The following ABCA4 variants were observed in gnomAD, a reference collection of about 807,000 sequenced individuals.
The protein encoded by ABCA4 is retinal-specific phospholipid-transporting ATPase ABCA4.
In ABCA4, 196 loss-of-function variants were observed where a neutral mutation model predicts 263.7. That is an observed-to-expected ratio of 0.74 (90% CI 0.66 to 0.84). The LOEUF is 0.84. Ranked by LOEUF, ABCA4 falls within the 40% of genes least tolerant of loss-of-function variation. ABCA4 has a pLI of 0.00. For synonymous variants in ABCA4, 1,133 were observed against 1,094.2 expected, an observed-to-expected ratio of 1.04 and a Z score of -0.70; for missense variants, 2,792 against 2,855.1, an observed-to-expected ratio of 0.98 and a Z score of 0.50.
intron 4 of ABCA4, among the ~76,000 whole-genome samples, chr1:94,106,714 C>G (rs1191236): frequency 0.8 from 121,326 of 152,168 alleles, 48,915 homozygotes; most frequent in East Asian, 1. Context: ...TCAGCATCTT[C>G]ATACACCAAT....
At chr1:94,027,000 AAGAG>A (rs369539832) in intron 30 of ABCA4, among the ~76,000 whole-genome samples, 168 of 151,746 alleles carry the variant, frequency 1.1e-3, no homozygotes, top group African/African-American at 3.8e-3. Context: ...AAGAGTGAGA[AAGAG>A]TGAGAGAGTG....
intron 24 of ABCA4, 80 bp from the exon 25 acceptor site, chr1:94,037,430 C>T: frequency 7.9e-7 from 1 of 1,260,086 alleles, no homozygotes; most frequent in Non-Finnish European, 1.1e-6. Flanking sequence ...TTTCCTACTT[C>T]TCTCCACTTC....
chr1:94,000,124 C>T (rs1659132531), intron 47 of ABCA4, among the ~76,000 whole-genome samples: 1 of 152,204 alleles, frequency 6.6e-6, no homozygotes, highest in African/African-American at 2.4e-5. Context: ...TTCCTCCCAC[C>T]AACCAGCTTA....
chr1:94,050,922 A>G (rs1660825022), intron 17 of ABCA4, among the ~76,000 whole-genome samples: 1 of 152,372 alleles, frequency 6.6e-6, no homozygotes, highest in Non-Finnish European at 1.5e-5. Flanking sequence ...AGAGTACTTC[A>G]GCTCTAGGGG....
At chr1:94,010,659 T>C (rs1220233459) in intron 40 of ABCA4, 141 bp downstream of exon 40, 3 of 1,219,838 alleles carry the variant, frequency 2.5e-6, no homozygotes, top group East Asian at 2.5e-5. Context: ...ACTTGTATTA[T>C]TGGAGAAAAG....
In ABCA4 at chr1:94,021,943, C is replaced by A. The variant is rs1659914654; in HGVS notation, c.4676G>T (p.Gly1559Val). Reference protein sequence around the residue: ...KFWVNEQRYGGISIGGKLPVV... With the variant: ...KFWVNEQRYGVISIGGKLPVV... Reference sequence around the variant, plus strand: ...TGGGAGCTTTCCTCCAATGGAAATTCCTCCATACCTGACAAGGAAACAGGA... The same window carrying A: ...TGGGAGCTTTCCTCCAATGGAAATTACTCCATACCTGACAAGGAAACAGGA... Residue 1559 changes from glycine (G) to valine (V), a missense_variant, in exon 33 of 50, where the codon GGA (glycine) becomes GTA (valine). Physicochemically the swap from Gly to Val is moderately radical, Grantham distance 109. Coordinates refer to ENST00000370225, the MANE Select transcript of ABCA4 (RefSeq NM_000350.3). 1 of 1,613,984 alleles carries A rather than the reference C, an allele frequency of 6.2e-7. No homozygotes were observed. Among genetic ancestry groups the A allele is most frequent in the Non-Finnish European group, 8.5e-7 (1 of 1,179,964 alleles).
Position 94,009,431 on chromosome 1 carries a change from C to T in ABCA4, c.5715-560G>A, listed in dbSNP as rs150804281. Among the ~76,000 whole-genome samples the T allele has an allele frequency of 3.3e-4, 50 of 152,266 alleles. 1 individual carries two copies. The East Asian group carries it at 9.3e-3, about 28-fold the overall frequency. ...GTTCCCCATCAGCTGTAGGTTGAAGCCCTCCCTCTGCAGCTGTAGTTACAG... is the reference window on the plus strand; with the variant it reads ...GTTCCCCATCAGCTGTAGGTTGAAGTCCTCCCTCTGCAGCTGTAGTTACAG... On this transcript the variant is annotated intron_variant, in intron 40 of 49. Coordinates refer to ENST00000370225, the MANE Select transcript of ABCA4 (RefSeq NM_000350.3).
In ABCA4 at chr1:94,081,264, C is replaced by T. The variant is rs1316240731; in HGVS notation, c.859-546G>A. ...AACAACAACAAATCACAGAGTGACC[C>T]CTAGAGCACTGTAGTATAGCCTCTC... On this transcript the variant is annotated intron_variant, in intron 7 of 49. Coordinates refer to ENST00000370225, the MANE Select transcript of ABCA4 (RefSeq NM_000350.3). 6.6e-6 allele frequency among the ~76,000 whole-genome samples: 1 copy of T among 152,036 alleles called. No homozygotes were observed. Among genetic ancestry groups the T allele is most frequent in the African/African-American group, 2.4e-5 (1 of 41,384 alleles).
intron 6 of ABCA4, among the ~76,000 whole-genome samples, chr1:94,094,021 C>T (rs1662048342): frequency 6.6e-6 from 1 of 152,334 alleles, no homozygotes; most frequent in South Asian, 2.1e-4. Flanking sequence ...GGAATCACTC[C>T]TTTCTCTTCT....
At chr1:94,085,077 T>C (rs1199629187) in intron 6 of ABCA4, among the ~76,000 whole-genome samples, 3 of 152,190 alleles carry the variant, frequency 2.0e-5, no homozygotes, top group East Asian at 3.8e-4. Flanking sequence ...AAAGTGGACA[T>C]GAAATGGGTA....
chr1:94,117,827 T>C (rs954944679), intron 1 of ABCA4, among the ~76,000 whole-genome samples: 1 of 152,156 alleles, frequency 6.6e-6, no homozygotes, highest in African/African-American at 2.4e-5. Flanking sequence ...CTGAACTCCA[T>C]GAAGGCAGTG....
rs748905369 is a variant in ABCA4, at chr1:94,001,964, C to T, written c.6176G>A (p.Gly2059Asp). The T allele has an allele frequency of 5.0e-6, 8 of 1,614,086 alleles. No homozygotes were observed. Among genetic ancestry groups the T allele is most frequent in the Non-Finnish European group, 6.8e-6 (8 of 1,180,044 alleles). The change falls in exon 45 of 50, where the codon GGC (glycine) becomes GAC (aspartate). Residue 2059 changes from glycine to aspartate, a missense_variant. Physicochemically the swap from Gly to Asp is moderately conservative, Grantham distance 94. Coordinates refer to ENST00000370225, the MANE Select transcript of ABCA4 (RefSeq NM_000350.3). ...KVANWSIKSL[G>D]LTVYADCLAG... ...CAGGCAGTCGGCGTAGACAGTCAGGCCCAGGCTCTTAATACTCCAGTTTGC... is the reference window on the plus strand; with the variant it reads ...CAGGCAGTCGGCGTAGACAGTCAGGTCCAGGCTCTTAATACTCCAGTTTGC...
At chr1:94,069,665 C>T (rs1196272468) in intron 11 of ABCA4, among the ~76,000 whole-genome samples, 2 of 152,188 alleles carry the variant, frequency 1.3e-5, no homozygotes, top group Admixed American at 6.5e-5. Flanking sequence ...CTAATCTAAA[C>T]AGTAACATTC....
chr1:94,034,566 T>C (rs1660294032), intron 26 of ABCA4, among the ~76,000 whole-genome samples: 1 of 151,470 alleles, frequency 6.6e-6, no homozygotes, highest in African/African-American at 2.4e-5. Context: ...GATCAGAAAA[T>C]GTCATCCTCT....
At chr1:94,011,028 A>G in intron 39 of ABCA4, 99 bp from the exon 40 acceptor site, 2 of 1,603,148 alleles carry the variant, frequency 1.2e-6, no homozygotes, top group Non-Finnish European at 1.7e-6. Flanking sequence ...TTATGTGGGA[A>G]CTGAGCAAGA....
chr1:94,107,503 G>A (rs1662471559), intron 4 of ABCA4, among the ~76,000 whole-genome samples: 1 of 152,216 alleles, frequency 6.6e-6, no homozygotes, highest in African/African-American at 2.4e-5. Flanking sequence ...ACTTTGTAAA[G>A]GCACATTGGT....
In ABCA4 at chr1:94,055,097, A is replaced by G; in HGVS notation, c.2587+14T>C. ...GAACTCAATTACCTTTACCCTATAG[A>G]GGAGGATGCTTACCTGGAAACACCT... On this transcript the variant is annotated intron_variant, in intron 16 of 49. Transcript: ENST00000370225. The G allele has an allele frequency of 6.2e-7, 1 of 1,612,186 alleles. No homozygotes were observed. Among genetic ancestry groups the G allele is most frequent in the Non-Finnish European group, 8.5e-7 (1 of 1,178,248 alleles).
At chr1:94,035,418 G>A (rs1416590242) in intron 26 of ABCA4, among the ~76,000 whole-genome samples, 26 of 152,178 alleles carry the variant, frequency 1.7e-4, no homozygotes, top group Admixed American at 1.4e-3. Flanking sequence ...GTGCCAGGAC[G>A]ACTACATCTT....
chr1:94,044,406 T>C (rs749616619), intron 20 of ABCA4, among the ~76,000 whole-genome samples: 3 of 152,202 alleles, frequency 2.0e-5, no homozygotes, highest in Non-Finnish European at 4.4e-5. Context: ...CCCTCAGCTC[T>C]GAGCAGCAGA....
Sources: allele counts gnomAD v4.1 joint callset (sites outside exome capture counted in the v4.1 genomes callset), GRCh38; gene constraint gnomAD v4.1.1; transcripts MANE v1.5; gene names NCBI Gene and HGNC (gene_info 2026-07-23, HGNC 2026-07-21).